RIMS2: variants seen among roughly 807,000 people sequenced by gnomAD.
RIMS2 encodes the protein regulating synaptic membrane exocytosis protein 2.
A neutral mutation model predicts 174.4 loss-of-function variants in RIMS2; 59 were observed. The ratio of observed to expected loss-of-function variants is 0.34; its 90% CI spans 0.27 to 0.42. The LOEUF (loss-of-function observed/expected upper bound fraction) is 0.42. RIMS2 is among the 10% of genes least tolerant of loss of function. The pLI is 1.00. For synonymous variants in RIMS2, 606 were observed against 572.5 expected (o/e 1.06, Z -0.84); for missense variants, 1,620 against 1,666.3 (o/e 0.97, Z 0.48).
intron 1 of RIMS2, among the ~76,000 whole-genome samples, chr8:103,635,313 G>T (rs78235073): frequency 0.065 from 9,937 of 152,282 alleles, 402 homozygotes; most frequent in South Asian, 0.087. Context: ...GAGGCTTTCA[G>T]TTGTCCCTGG....
chr8:103,696,952 A>G (rs1161240366), intron 1 of RIMS2, 134 bp from the exon 4 acceptor site: 1 of 620,024 alleles, frequency 1.6e-6, no homozygotes, highest in Non-Finnish European at 2.9e-6. Flanking sequence ...TTATCATCAG[A>G]AAATTAAATT....
At chr8:103,945,108 T>A (rs1034849286) in intron 14 of RIMS2, among the ~76,000 whole-genome samples, 1 of 152,086 alleles carries the variant, frequency 6.6e-6, no homozygotes, top group Non-Finnish European at 1.5e-5. Context: ...ATTTCAAAGA[T>A]CGTGATCATA....
chr8:103,789,727 A>G (rs1322346457), intron 3 of RIMS2, among the ~76,000 whole-genome samples: 1 of 149,348 alleles, frequency 6.7e-6, no homozygotes, highest in African/African-American at 2.5e-5. Flanking sequence ...AAAAATAAAC[A>G]TATATTATGA....
chr8:104,053,524 A>G (rs114972562), intron 19 of RIMS2, among the ~76,000 whole-genome samples: 1,731 of 152,328 alleles, frequency 0.011, 37 homozygotes, highest in African/African-American at 0.039. Flanking sequence ...AGGAGGACTC[A>G]GTGATCAAAA....
At chr8:103,937,835 C>T (rs1015614812) in intron 13 of RIMS2, among the ~76,000 whole-genome samples, 13 of 152,216 alleles carry the variant, frequency 8.5e-5, no homozygotes, top group African/African-American at 2.6e-4. Context: ...TTTATCTGGT[C>T]GATAATAGGA....
At chr8:103,816,092 C>T (rs1016334428) in intron 3 of RIMS2, among the ~76,000 whole-genome samples, 7 of 152,150 alleles carry the variant, frequency 4.6e-5, no homozygotes, top group Non-Finnish European at 1.0e-4. Flanking sequence ...AAATTTAAAA[C>T]ACACGTTATC....
intron 19 of RIMS2, chr8:104,148,647 T>A (rs746742620): frequency 6.3e-7 from 1 of 1,598,066 alleles, no homozygotes; most frequent in Non-Finnish European, 8.5e-7. Context: ...AATGGGCATA[T>A]CAGGGAAGAA....
chr8:103,848,977 C>T (rs751809977), intron 3 of RIMS2, among the ~76,000 whole-genome samples: 4 of 152,018 alleles, frequency 2.6e-5, no homozygotes, highest in Non-Finnish European at 5.9e-5. Context: ...CTTCTCTGAC[C>T]TTGTCATTCT....
chr8:103,555,435 C>T (rs569150852), intron 1 of RIMS2, among the ~76,000 whole-genome samples: 28 of 151,976 alleles, frequency 1.8e-4, no homozygotes, highest in Non-Finnish European at 2.4e-4. Flanking sequence ...GTTAGTACAG[C>T]CATTATCAAA....
chr8:103,501,068 G>T lies in RIMS2; in HGVS notation c.176+6G>T. ...AAGGAGCAGTCCGTGCTCAAGTAAG[G>T]ACCTGGCTCCATATTCCCGCCTCTC... On this transcript the variant is annotated splice_donor_region_variant and intron_variant, in intron 1 of 23. Transcript: ENST00000504942. 1 of 1,569,524 alleles carries T rather than the reference G, an allele frequency of 6.4e-7. No individual in the cohort carries two copies. Among genetic ancestry groups the T allele is most frequent in the Non-Finnish European group, 8.6e-7 (1 of 1,158,010 alleles).
At chr8:104,081,182 T>G (rs1210695809) in intron 19 of RIMS2, among the ~76,000 whole-genome samples, 1 of 151,984 alleles carries the variant, frequency 6.6e-6, no homozygotes, top group African/African-American at 2.4e-5. Flanking sequence ...CTCGGAATGC[T>G]TACAAACAAG....
chr8:103,705,320 T>C (rs942875998), intron 2 of RIMS2, among the ~76,000 whole-genome samples: 2 of 152,110 alleles, frequency 1.3e-5, no homozygotes, highest in Non-Finnish European at 2.9e-5. Flanking sequence ...CCTGATATGA[T>C]TTTTACTTTT....
intron 13 of RIMS2, among the ~76,000 whole-genome samples, chr8:103,937,473 C>G (rs2154536026): frequency 6.6e-6 from 1 of 152,190 alleles, no homozygotes; most frequent in South Asian, 2.1e-4. Context: ...ACTGAGCGTT[C>G]AAAGGTAAAT....
At chr8:103,603,571 A>G (rs2133852903) in intron 1 of RIMS2, among the ~76,000 whole-genome samples, 1 of 152,268 alleles carries the variant, frequency 6.6e-6, no homozygotes, top group African/African-American at 2.4e-5. Context: ...ATGAATCGCC[A>G]CATTGACTTC....
chr8:104,045,267 A>G (rs2096673676), intron 19 of RIMS2, among the ~76,000 whole-genome samples: 1 of 147,906 alleles, frequency 6.8e-6, no homozygotes. Context: ...TACAGTCACT[A>G]CAACATCTTC....
At chr8:104,155,170 G>C (rs1373813977) in intron 19 of RIMS2, among the ~76,000 whole-genome samples, 1 of 151,860 alleles carries the variant, frequency 6.6e-6, no homozygotes, top group Non-Finnish European at 1.5e-5. Flanking sequence ...GCAGTAGTGC[G>C]ATCTCACCTC....
At chr8:104,059,994 G>A (rs2096950009) in intron 19 of RIMS2, among the ~76,000 whole-genome samples, 2 of 151,910 alleles carry the variant, frequency 1.3e-5, no homozygotes, top group South Asian at 4.2e-4. Flanking sequence ...GAGGATTTTT[G>A]CATCAATGTT....
intron 19 of RIMS2, among the ~76,000 whole-genome samples, chr8:104,224,479 A>T (rs1035398843): frequency 6.6e-5 from 10 of 152,242 alleles, no homozygotes; most frequent in Non-Finnish European, 1.0e-4. Flanking sequence ...TTAACAACTA[A>T]CACTGAAAAT....
At chr8:103,763,545 G>A (rs1181883305) in intron 2 of RIMS2, among the ~76,000 whole-genome samples, 1 of 151,902 alleles carries the variant, frequency 6.6e-6, no homozygotes, top group Non-Finnish European at 1.5e-5. Flanking sequence ...GAATAAGGGA[G>A]GGAAGAAGGG....
Sources: allele counts gnomAD v4.1 joint callset (sites outside exome capture counted in the v4.1 genomes callset), GRCh38; gene constraint gnomAD v4.1.1; transcripts MANE v1.5; gene names NCBI Gene and HGNC (gene_info 2026-07-23, HGNC 2026-07-21).